Variants in CDC27 observed in about 807,000 individuals in gnomAD.
CDC27 encodes the protein cell division cycle protein 27 homolog.
A neutral mutation model predicts 109.7 loss-of-function variants in CDC27; 27 were observed. The ratio of observed to expected loss-of-function variants is 0.25; its 90% CI spans 0.18 to 0.34. The LOEUF is 0.34. Ranked by LOEUF, CDC27 falls within the 10% of genes least tolerant of loss-of-function variation. CDC27 has a pLI of 1.00. For synonymous variants in CDC27, 266 were observed against 333.9 expected (o/e 0.80, Z 2.22); for missense variants, 579 against 960.2 (o/e 0.60, Z 5.25).
At chr17:47,169,697 C>A in intron 4 of CDC27, 1 of 328,846 alleles carries the variant, frequency 3.0e-6, no homozygotes. Flanking sequence ...CATGTATGAT[C>A]AATTGTTAGG....
intron 4 of CDC27, among the ~76,000 whole-genome samples, chr17:47,166,227 T>C (rs2063642224): frequency 6.6e-6 from 1 of 152,166 alleles, no homozygotes; most frequent in Admixed American, 6.5e-5. Context: ...TCTTGTTCTG[T>C]TTTCTGGAAG....
intron 2 of CDC27, among the ~76,000 whole-genome samples, chr17:47,178,568 AC>A (rs1332658271): frequency 1.5e-5 from 2 of 133,948 alleles, no homozygotes; most frequent in African/African-American, 5.5e-5. Flanking sequence ...AAAAAAAAAA[AC>A]CCTGAAAAGT....
At chr17:47,167,135 G>T (rs552609236) in intron 4 of CDC27, among the ~76,000 whole-genome samples, 4 of 152,212 alleles carry the variant, frequency 2.6e-5, no homozygotes, top group African/African-American at 9.6e-5. Context: ...GATTACAGGC[G>T]TGAGCCACTG....
intron 4 of CDC27, among the ~76,000 whole-genome samples, chr17:47,164,807 A>G (rs532939068): frequency 7.1e-4 from 108 of 152,318 alleles, no homozygotes; most frequent in African/African-American, 2.4e-3. Flanking sequence ...ACAGAGCGCA[A>G]GATTCCATTT....
chr17:47,125,424 TTTAG>T (rs2062108745), intron 16 of CDC27, among the ~76,000 whole-genome samples: 1 of 151,426 alleles, frequency 6.6e-6, no homozygotes, highest in South Asian at 2.1e-4. Flanking sequence ...TTTTTGTATT[TTTAG>T]TAGACACGCG....
Position 47,137,074 on chromosome 17 carries a change from A to G in CDC27, c.1913+78T>C, listed in dbSNP as rs2062629396. The G allele has an allele frequency of 4.3e-6, 3 of 702,880 alleles. No homozygotes were observed. The South Asian group carries it at 7.9e-5, about 18-fold the overall frequency. The allele number at this position is 702,880 out of a possible 1,614,324, so 43.5% of individuals were successfully genotyped here. A position where few individuals can be genotyped will look rare whatever the true frequency, so the allele number is the denominator to read the frequency against. On this transcript the variant is annotated intron_variant, in intron 14 of 18. Coordinates refer to ENST00000066544, the MANE Select transcript of CDC27 (RefSeq NM_001256.6). Reference sequence around the variant, plus strand: ...TAAGTAACCAAATTCATGATAATAAAGAGCTATCTAACAAGAAAAATTAGT... The same window carrying G: ...TAAGTAACCAAATTCATGATAATAAGGAGCTATCTAACAAGAAAAATTAGT...
intron 2 of CDC27, among the ~76,000 whole-genome samples, chr17:47,179,375 G>A (rs1178198170): frequency 6.6e-6 from 1 of 152,078 alleles, no homozygotes; most frequent in African/African-American, 2.4e-5. Flanking sequence ...TTGGTTCAGT[G>A]GGAATGAGTA....
At chr17:47,157,194 CATA>C (rs2063337752) in intron 6 of CDC27, 33 bp downstream of exon 6, 1 of 1,578,526 alleles carries the variant, frequency 6.3e-7, no homozygotes, top group Non-Finnish European at 8.6e-7. Flanking sequence ...TTGTAGTTTT[CATA>C]ATATTTTGAA....
intron 9 of CDC27, among the ~76,000 whole-genome samples, chr17:47,148,452 A>ATT (rs1040574125): frequency 3.8e-4 from 58 of 152,250 alleles, no homozygotes; most frequent in Admixed American, 3.3e-3. Flanking sequence ...AAGCAATCTA[A>ATT]TATACAAGTA....
intron 14 of CDC27, among the ~76,000 whole-genome samples, chr17:47,136,424 G>A (rs1306955858): frequency 6.6e-6 from 1 of 152,052 alleles, no homozygotes; most frequent in Non-Finnish European, 1.5e-5. Flanking sequence ...TAACCCCAAA[G>A]ATAACCGTAT....
Position 47,157,251 on chromosome 17 carries a change from C to A in CDC27, c.609G>T (p.Thr203=), listed in dbSNP as rs11570485. The change falls in exon 6 of 19, where the codon ACG becomes ACT. Residue 203 remains threonine (T), a synonymous_variant. Coordinates refer to ENST00000066544, the MANE Select transcript of CDC27 (RefSeq NM_001256.6). ...TTACAATTGTGTCCTGGGGTGTTTC[C>A]GTAAGAACTGTCTCAGGCTGTCTGT... The part of the protein sequence containing the change: ...LSHRQPETVL[T]ETPQDTIELN... The A allele has an allele frequency of 8.8e-4, 1,413 of 1,611,642 alleles. 29 individuals carry two copies. The South Asian group carries it at 0.015, about 17-fold the overall frequency.
In CDC27 at chr17:47,160,227, CT is replaced by C. The variant is rs759655850; in HGVS notation, c.378-1925del. Among the ~76,000 whole-genome samples the C allele has an allele frequency of 5.3e-3, 718 of 135,642 alleles. 2 individuals carry two copies. The highest frequency in any genetic ancestry group is 7.4e-3 in the Middle Eastern group (2 of 270). The allele number at this position is 135,642 out of a possible 152,430, so 89.0% of individuals were successfully genotyped here. A position where few individuals can be genotyped will look rare whatever the true frequency, so the allele number is the denominator to read the frequency against. On this transcript the variant is annotated intron_variant, in intron 4 of 18. Transcript: ENST00000066544. ...CAGAACAGCATTGCTGCCTCTCTAG[CT>C]TTTTTTTTTTTTTTTTTTCCTGAGA...
At position 47,142,511 on chromosome 17, in the gene CDC27, T is replaced by G; in HGVS notation, c.1171-75A>C. On this transcript the variant is annotated intron_variant, in intron 10 of 18. Coordinates refer to ENST00000066544, the MANE Select transcript of CDC27 (RefSeq NM_001256.6). ...TTCTCCTCAGCCCTTTCTCCAGTAT[T>G]AGATATAAAATAAATGTACAATCTT... 6 of 588,456 alleles carry G rather than the reference T, an allele frequency of 1.0e-5. 1 individual carries two copies. The highest frequency in any genetic ancestry group is 1.2e-5 in the Non-Finnish European group (4 of 339,374). 36.5% of individuals were successfully genotyped at this position (588,456 alleles called of 1,614,324 possible).
intron 4 of CDC27, among the ~76,000 whole-genome samples, chr17:47,164,110 T>G (rs976506415): frequency 6.6e-6 from 1 of 152,226 alleles, no homozygotes; most frequent in Non-Finnish European, 1.5e-5. Context: ...TTTCTTTGTT[T>G]AGATACACAA....
chr17:47,188,618 G>C (rs912004319), intron 1 of CDC27: 3 of 423,264 alleles, frequency 7.1e-6, no homozygotes, highest in Non-Finnish European at 9.5e-6. Flanking sequence ...GAAATTCACC[G>C]AGAAAGGAAA....
chr17:47,134,130 C>T (rs546944507), intron 14 of CDC27, among the ~76,000 whole-genome samples: 3 of 151,898 alleles, frequency 2.0e-5, no homozygotes, highest in African/African-American at 7.3e-5. Flanking sequence ...AACTCTTAGC[C>T]TCAAACAATC....
chr17:47,171,851 G>T, intron 3 of CDC27, 66 bp downstream of exon 3: 1 of 1,077,556 alleles, frequency 9.3e-7, no homozygotes, highest in Non-Finnish European at 1.3e-6. Flanking sequence ...TAATCTGAAA[G>T]GAATTTTATC....
chr17:47,151,984 A>G (rs534870089), intron 8 of CDC27, 66 bp from the exon 9 acceptor site: 1 of 1,448,792 alleles, frequency 6.9e-7, no homozygotes, highest in East Asian at 2.5e-5. Flanking sequence ...AAAAGACAAC[A>G]CAACGCTCCC....
intron 1 of CDC27, among the ~76,000 whole-genome samples, chr17:47,186,041 G>T (rs1281608824): frequency 2.6e-5 from 4 of 152,178 alleles, no homozygotes; most frequent in Admixed American, 6.5e-5. Flanking sequence ...AATGTCAATA[G>T]TGCTCAGATT....
Sources: gnomAD v4.1 joint callset for allele counts (sites outside exome capture counted in the v4.1 genomes callset) on GRCh38, gnomAD v4.1.1 for gene constraint, MANE v1.5 for transcripts, NCBI Gene and HGNC (gene_info 2026-07-23, HGNC 2026-07-21) for gene names.